Variants in TRHDE observed in about 807,000 individuals in gnomAD.
TRHDE encodes thyrotropin releasing hormone degrading enzyme, also known as thyrotropin-releasing hormone-degrading ectoenzyme.
Under a neutral mutation model 125.7 loss-of-function variants are expected in TRHDE, and 72 were observed. The ratio of observed to expected loss-of-function variants is 0.57; its 90% confidence interval spans 0.47 to 0.70. The LOEUF (loss-of-function observed/expected upper bound fraction) is 0.70, where lower values mean the gene tolerates loss of function less well. TRHDE is among the 30% of genes least tolerant of loss of function. TRHDE has a pLI of 0.00. For synonymous variants in TRHDE, 509 were observed against 509.1 expected (o/e 1.00, Z 0.00); for missense variants, 1,110 against 1,327.1 (o/e 0.84, Z 2.54).
intron 15 of TRHDE, among the ~76,000 whole-genome samples, chr12:72,629,872 TAA>T (rs1873408869): frequency 6.6e-6 from 1 of 151,522 alleles, no homozygotes; most frequent in Non-Finnish European, 1.5e-5. Flanking sequence ...GATTAAGGCT[TAA>T]GACTGATTCT....
intron 12 of TRHDE, among the ~76,000 whole-genome samples, chr12:72,590,668 T>G (rs1871634237): frequency 6.6e-6 from 1 of 152,214 alleles, no homozygotes; most frequent in Non-Finnish European, 1.5e-5. Context: ...ATTTTTTGCA[T>G]GCTATTACTT....
chr12:72,380,697 A>AGCTTCCTTCCTTCCTTCCTTCCTTCCTT (rs1565720329), intron 3 of TRHDE, among the ~76,000 whole-genome samples: 1 of 145,990 alleles, frequency 6.8e-6, no homozygotes. Flanking sequence ...AGCAGGCTGC[A>AGCTTCCTTCCTTCCTTCCTTCCTTCCTT]GCTTCCTTCC....
chr12:72,105,104 A>G (rs1409804127), intron 1 of TRHDE, among the ~76,000 whole-genome samples: 1 of 152,198 alleles, frequency 6.6e-6, no homozygotes, highest in Admixed American at 6.5e-5. Context: ...AGTGGGCCTC[A>G]GACTTTAGAG....
chr12:72,434,939 G>A (rs527792819), intron 3 of TRHDE, among the ~76,000 whole-genome samples: 13 of 152,290 alleles, frequency 8.5e-5, no homozygotes, highest in Non-Finnish European at 1.6e-4. Context: ...CTACAGAACA[G>A]GGATGGCAAC....
At chr12:72,607,287 A>C (rs1243048403) in intron 12 of TRHDE, among the ~76,000 whole-genome samples, 1 of 152,104 alleles carries the variant, frequency 6.6e-6, no homozygotes, top group African/African-American at 2.4e-5. Flanking sequence ...TACAGGTTTA[A>C]ATTTTTGGCA....
chr12:72,440,300 AATTAGT>A (rs1874942352), intron 3 of TRHDE, among the ~76,000 whole-genome samples: 1 of 151,864 alleles, frequency 6.6e-6, no homozygotes, highest in South Asian at 2.1e-4. Flanking sequence ...CTTTGAGAAG[AATTAGT>A]ATTAGTTTTT....
chr12:72,440,844 C>A (rs1011399037), intron 3 of TRHDE, among the ~76,000 whole-genome samples: 1 of 151,860 alleles, frequency 6.6e-6, no homozygotes, highest in African/African-American at 2.4e-5. Flanking sequence ...ATGATAGCAA[C>A]CAGGACTTCA....
intron 6 of TRHDE, among the ~76,000 whole-genome samples, chr12:72,526,078 A>G (rs571761451): frequency 5.3e-5 from 8 of 152,150 alleles, no homozygotes; most frequent in Non-Finnish European, 1.0e-4. Context: ...AAAAAATTAT[A>G]TCTAGTTTTT....
At chr12:72,372,631 A>G (rs1291764736) in intron 2 of TRHDE, among the ~76,000 whole-genome samples, 3 of 152,138 alleles carry the variant, frequency 2.0e-5, no homozygotes, top group Non-Finnish European at 2.9e-5. Flanking sequence ...TCCCAGCACC[A>G]TTTATTAAAT....
chr12:72,429,738 C>G lies in TRHDE; in HGVS notation c.1316-40020C>G, dbSNP rs1159148334. On this transcript the variant is annotated intron_variant, in intron 3 of 18. Coordinates refer to ENST00000261180, the MANE Select transcript of TRHDE (RefSeq NM_013381.3). ...TAGCCTACTTAGTGTAAAGTGGAAT[C>G]TCATCATAGTTTGATTGGCATCCGA... 2.0e-5 allele frequency among the ~76,000 whole-genome samples: 3 copies of G among 152,038 alleles called. No individual in the cohort carries two copies. The East Asian group carries it at 5.8e-4, about 29-fold the overall frequency.
intron 12 of TRHDE, among the ~76,000 whole-genome samples, chr12:72,583,950 T>G (rs1871341244): frequency 2.6e-5 from 2 of 75,966 alleles, no homozygotes; most frequent in South Asian, 6.4e-4. Flanking sequence ...TTTTTTTTTT[T>G]GAGACGGAGT....
At chr12:72,416,571 A>C (rs1873741430) in intron 3 of TRHDE, among the ~76,000 whole-genome samples, 2 of 151,978 alleles carry the variant, frequency 1.3e-5, no homozygotes, top group Non-Finnish European at 1.5e-5. Context: ...TGAGAGATAG[A>C]GGTCTAGTTT....
At chr12:72,626,687 C>T (rs1377574718) in intron 15 of TRHDE, among the ~76,000 whole-genome samples, 1 of 151,938 alleles carries the variant, frequency 6.6e-6, no homozygotes, top group Non-Finnish European at 1.5e-5. Context: ...CCTTTGTCCA[C>T]CAGAACTCAC....
intron 6 of TRHDE, among the ~76,000 whole-genome samples, chr12:72,518,713 G>C (rs948355704): frequency 2.6e-5 from 4 of 151,982 alleles, no homozygotes; most frequent in Admixed American, 1.3e-4. Flanking sequence ...TATTTTGCTC[G>C]TTAGTTGATG....
intron 2 of TRHDE, among the ~76,000 whole-genome samples, chr12:72,207,997 G>A (rs750670667): frequency 1.9e-4 from 29 of 152,274 alleles, no homozygotes; most frequent in Middle Eastern, 3.4e-3. Context: ...TGCTGGTGCC[G>A]TGCTGAGCAT....
chr12:72,399,459 T>C (rs936504701), intron 3 of TRHDE, among the ~76,000 whole-genome samples: 1 of 151,644 alleles, frequency 6.6e-6, no homozygotes, highest in Non-Finnish European at 1.5e-5. Flanking sequence ...TATTTAATAA[T>C]AATAAACTAC....
At chr12:72,502,825 T>C (rs759880845) in intron 6 of TRHDE, among the ~76,000 whole-genome samples, 1 of 152,164 alleles carries the variant, frequency 6.6e-6, no homozygotes, top group African/African-American at 2.4e-5. Context: ...GACCCAGTTA[T>C]CTGCTGGCAT....
intron 2 of TRHDE, among the ~76,000 whole-genome samples, chr12:72,183,959 T>A (rs187553922): frequency 6.6e-6 from 1 of 152,226 alleles, no homozygotes; most frequent in East Asian, 1.9e-4. Flanking sequence ...TAAAAACCAG[T>A]GGAAAGTGTA....
chr12:72,443,729 A>G (rs543181283), intron 3 of TRHDE, among the ~76,000 whole-genome samples: 2 of 151,814 alleles, frequency 1.3e-5, no homozygotes, highest in Non-Finnish European at 3.0e-5. Context: ...GATCCTTTCT[A>G]TATTTCTGGG....
Sources: gnomAD v4.1 joint callset for allele counts (sites outside exome capture counted in the v4.1 genomes callset) on GRCh38, gnomAD v4.1.1 for gene constraint, MANE v1.5 for transcripts, NCBI Gene and HGNC (gene_info 2026-07-23, HGNC 2026-07-21) for gene names.